Variants in SLC5A4 observed in about 807,000 individuals in gnomAD.
SLC5A4 encodes solute carrier family 5 member 4.
In SLC5A4, 55 loss-of-function variants were observed where a neutral mutation model predicts 70.3. That is an observed-to-expected ratio of 0.78 (90% CI 0.63 to 0.98). SLC5A4 has a LOEUF of 0.98. SLC5A4 is among the 50% of genes least tolerant of loss of function. The pLI is 0.00. For missense variants in SLC5A4, 735 were observed against 839.2 expected (o/e 0.88, Z 1.53); for synonymous variants, 268 against 305.7 (o/e 0.88, Z 1.29).
chr22:32,277,812 T>C, the SLC5A4 span, among the ~76,000 whole-genome samples: 1 of 152,210 alleles, frequency 6.6e-6, no homozygotes, highest in South Asian at 2.1e-4. Flanking sequence ...CCTCCCAAAG[T>C]GCTGAGATTA....
intron 5 of SLC5A4, among the ~76,000 whole-genome samples, chr22:32,246,344 G>A (rs1016236359): frequency 4.6e-5 from 7 of 152,120 alleles, no homozygotes; most frequent in Non-Finnish European, 1.0e-4. Flanking sequence ...CAATAGGAAA[G>A]GTCAGCCTTT....
At chr22:32,262,243 T>G in the SLC5A4 span, among the ~76,000 whole-genome samples, 1 of 152,210 alleles carries the variant, frequency 6.6e-6, no homozygotes, top group Non-Finnish European at 1.5e-5. Flanking sequence ...TTGAGGAGTC[T>G]TCACACTGTT....
At chr22:32,348,795 C>T in the SLC5A4 span, among the ~76,000 whole-genome samples, 1 of 152,076 alleles carries the variant, frequency 6.6e-6, no homozygotes, top group East Asian at 1.9e-4. Flanking sequence ...GTTTCAGTGC[C>T]TTCTGTTTTA....
the SLC5A4 span, among the ~76,000 whole-genome samples, chr22:32,331,008 G>A: frequency 1.6e-5 from 2 of 124,864 alleles, no homozygotes; most frequent in Admixed American, 8.1e-5. Context: ...GTGTGTGTTG[G>A]GGGCTCTGGT....
chr22:32,220,737 G>A (rs1457801960), intron 14 of SLC5A4, among the ~76,000 whole-genome samples, 183 bp downstream of exon 14: 1 of 152,180 alleles, frequency 6.6e-6, no homozygotes, highest in African/African-American at 2.4e-5. Flanking sequence ...CAATGGACAG[G>A]CAGATGAATA....
In SLC5A4 at chr22:32,237,316, C is replaced by G. The variant is rs770699777; in HGVS notation, c.592G>C (p.Ala198Pro). 9 of 1,600,330 alleles carry G rather than the reference C, an allele frequency of 5.6e-6. No homozygotes were observed. In the Admixed American group the frequency reaches 1.4e-4, roughly 25 times the overall value. The change falls in exon 7 of 15, where the codon GCC (alanine) becomes CCC (proline). Residue 198 changes from alanine (A) to proline (P), a missense_variant. Transcript: ENST00000266086. ...AGGGTGTCTGTGTAAATCACCGAGG[C>G]CAAGCCCCCTAGTGAGAGAAAGAAA... ...TAVYTTTGGL[A>P]SVIYTDTLQT...
At chr22:32,308,160 G>A in the SLC5A4 span, among the ~76,000 whole-genome samples, 2 of 152,060 alleles carry the variant, frequency 1.3e-5, no homozygotes, top group Non-Finnish European at 2.9e-5. Context: ...CTGCCTCCTG[G>A]GTTCACGTTA....
At chr22:32,333,916 C>A in the SLC5A4 span, among the ~76,000 whole-genome samples, 1 of 142,964 alleles carries the variant, frequency 7.0e-6, no homozygotes, top group Non-Finnish European at 1.6e-5. Context: ...ATGCTGCATA[C>A]CCACAACATA....
At chr22:32,332,138 C>G in the SLC5A4 span, among the ~76,000 whole-genome samples, 1 of 152,092 alleles carries the variant, frequency 6.6e-6, no homozygotes, top group Non-Finnish European at 1.5e-5. Context: ...GCTCGTGAGA[C>G]AGTGGCAGCC....
intron 4 of SLC5A4, 71 bp downstream of exon 4, chr22:32,248,672 T>A: frequency 9.6e-7 from 1 of 1,046,902 alleles, no homozygotes; most frequent in South Asian, 1.3e-5. Context: ...ATTGTCTCAG[T>A]GATTGATCTT....
At chr22:32,227,006 G>A (rs947490299) in intron 11 of SLC5A4, among the ~76,000 whole-genome samples, 3 of 152,068 alleles carry the variant, frequency 2.0e-5, no homozygotes, top group Non-Finnish European at 2.9e-5. Flanking sequence ...TCCTCAGAGA[G>A]GACTCCCTGA....
the SLC5A4 span, among the ~76,000 whole-genome samples, chr22:32,317,294 C>T: frequency 2.0e-5 from 3 of 152,026 alleles, no homozygotes; most frequent in African/African-American, 7.2e-5. Flanking sequence ...AGCCTTAAAA[C>T]ACTGATCTTA....
the SLC5A4 span, among the ~76,000 whole-genome samples, chr22:32,299,301 G>A: frequency 2.6e-5 from 4 of 151,096 alleles, no homozygotes; most frequent in Admixed American, 6.6e-5. Context: ...CCAATCAGAC[G>A]TAAATTTGGT....
At chr22:32,271,560 AG>A in the SLC5A4 span, 1 of 705,884 alleles carries the variant, frequency 1.4e-6, no homozygotes, top group East Asian at 3.0e-5. Context: ...CACAGAGGAG[AG>A]GGTCGGGCCC....
At chr22:32,301,988 G>T in the SLC5A4 span, among the ~76,000 whole-genome samples, 1 of 152,098 alleles carries the variant, frequency 6.6e-6, no homozygotes, top group African/African-American at 2.4e-5. Flanking sequence ...TTAACTCAAA[G>T]TGGATCAAAG....
chr22:32,304,749 CA>C, the SLC5A4 span, among the ~76,000 whole-genome samples: 1 of 152,142 alleles, frequency 6.6e-6, no homozygotes, highest in Non-Finnish European at 1.5e-5. Context: ...TCCAACTTAT[CA>C]ATTCTCTCTT....
the SLC5A4 span, among the ~76,000 whole-genome samples, chr22:32,313,287 C>G: frequency 2.2e-3 from 337 of 152,302 alleles, no homozygotes; most frequent in African/African-American, 7.6e-3. Context: ...GGGACAGTCT[C>G]AGTTGACACT....
the SLC5A4 span, among the ~76,000 whole-genome samples, chr22:32,312,528 C>A: frequency 6.6e-6 from 1 of 152,116 alleles, no homozygotes; most frequent in African/African-American, 2.4e-5. Flanking sequence ...GTTGCTTTGT[C>A]TTGGTCATCC....
the SLC5A4 span, among the ~76,000 whole-genome samples, chr22:32,317,054 AAAT>A: frequency 6.6e-6 from 1 of 152,138 alleles, no homozygotes; most frequent in African/African-American, 2.4e-5. Context: ...AAATTCCAAA[AAAT>A]AGAAAAAAGA....
Sources: gnomAD v4.1 joint callset for allele counts (sites outside exome capture counted in the v4.1 genomes callset) on GRCh38, gnomAD v4.1.1 for gene constraint, MANE v1.5 for transcripts, NCBI Gene and HGNC (gene_info 2026-07-23, HGNC 2026-07-21) for gene names.